FABP7: variants seen among roughly 807,000 people sequenced by gnomAD.
The protein encoded by FABP7 is fatty acid-binding protein, brain.
FABP7 carries 13 observed loss-of-function variants against 14.2 expected under a neutral mutation model. The observed-to-expected ratio is 0.91, with a 90% CI of 0.59 to 1.45. The LOEUF is 1.45. Ranked by LOEUF, FABP7 falls within the 40% of genes most tolerant of loss-of-function variation. The pLI is 0.00. For synonymous variants in FABP7, 49 were observed against 51.4 expected (o/e 0.95, Z 0.20); for missense variants, 149 against 157.6 (o/e 0.95, Z 0.29).
At chr6:122,783,567 C>G (rs1780847329) in intron 3 of FABP7, 150 bp from the exon 4 acceptor site, 2 of 1,376,172 alleles carry the variant, frequency 1.5e-6, no homozygotes, top group African/African-American at 3.0e-5. Context: ...TATAGGGTCT[C>G]TTTTCAAGAT....
At chr6:122,764,135 A>T in the FABP7 span, among the ~76,000 whole-genome samples, 2 of 152,206 alleles carry the variant, frequency 1.3e-5, no homozygotes, top group African/African-American at 4.8e-5. Context: ...CTTGGAACTA[A>T]CCCAAATGTC....
At chr6:122,762,978 A>C in the FABP7 span, among the ~76,000 whole-genome samples, 1 of 152,206 alleles carries the variant, frequency 6.6e-6, no homozygotes, top group Non-Finnish European at 1.5e-5. Flanking sequence ...TAATTTCCAG[A>C]TTCATTGCCA....
chr6:122,767,330 G>A, the FABP7 span, among the ~76,000 whole-genome samples: 5,720 of 152,062 alleles, frequency 0.038, 145 homozygotes, highest in Non-Finnish European at 0.055. Flanking sequence ...TTGCTTTTCC[G>A]GTTATTAGGA....
the FABP7 span, among the ~76,000 whole-genome samples, chr6:122,773,152 G>C: frequency 1.3e-5 from 2 of 152,126 alleles, no homozygotes; most frequent in Admixed American, 1.3e-4. Context: ...CCCAAAATTT[G>C]TAAGTAACTA....
At position 122,779,733 on chromosome 6, in the gene FABP7, C is replaced by T; in HGVS notation, c.-62C>T. 1 of 1,519,170 alleles carries T rather than the reference C, an allele frequency of 6.6e-7. No individual in the cohort carries two copies. The highest frequency in any genetic ancestry group is 9.1e-7 in the Non-Finnish European group (1 of 1,096,734). 94.1% of individuals were successfully genotyped at this position (1,519,170 alleles called of 1,614,324 possible). On this transcript the variant is annotated 5_prime_UTR_variant, in exon 1 of 4. Transcript: ENST00000368444. ...GCTGAGGTGTAAAGGGTCTTCTGAG[C>T]TGCAGTGGCAATTAGACCAGAAGAT...
chr6:122,752,655 G>A, the FABP7 span, among the ~76,000 whole-genome samples: 1 of 152,304 alleles, frequency 6.6e-6, no homozygotes, highest in East Asian at 1.9e-4. Flanking sequence ...GTCTAAGCTA[G>A]TACACTTCTG....
the FABP7 span, among the ~76,000 whole-genome samples, chr6:122,757,147 A>T: frequency 2.0e-5 from 3 of 152,286 alleles, no homozygotes; most frequent in East Asian, 3.9e-4. Flanking sequence ...CTATATTCAA[A>T]AGTCTACCGT....
At chr6:122,780,730 A>C (rs981043579) in intron 2 of FABP7, among the ~76,000 whole-genome samples, 1 of 152,202 alleles carries the variant, frequency 6.6e-6, no homozygotes, top group South Asian at 2.1e-4. Flanking sequence ...AAAATATTTA[A>C]TAAGGTTTGT....
the FABP7 span, among the ~76,000 whole-genome samples, chr6:122,756,730 C>G: frequency 2.1e-3 from 321 of 152,326 alleles, 5 homozygotes; most frequent in African/African-American, 7.4e-3. Context: ...AATCACTCAT[C>G]AAAGTCATCA....
chr6:122,782,764 T>C (rs1780824943), intron 3 of FABP7: 1 of 985,392 alleles, frequency 1.0e-6, no homozygotes, highest in Middle Eastern at 5.2e-4. Flanking sequence ...TCAGCACTGT[T>C]CTGCATTGAG....
At chr6:122,751,728 C>T in the FABP7 span, among the ~76,000 whole-genome samples, 14,305 of 152,186 alleles carry the variant, frequency 0.094, 789 homozygotes, top group African/African-American at 0.16. Context: ...CGCTTCAACC[C>T]TCATATCCTT....
At chr6:122,781,740 C>CTTTTTTTT (rs34336029) in intron 3 of FABP7, 5 of 741,128 alleles carry the variant, frequency 6.7e-6, no homozygotes, top group Non-Finnish European at 8.0e-6. Flanking sequence ...AGTGATAACC[C>CTTTTTTTT]TTTTTTTTTT....
upstream of FABP7, chr6:122,779,557 A>G (rs907259469): frequency 1.3e-5 from 7 of 554,468 alleles, no homozygotes; most frequent in Admixed American, 6.1e-5. Context: ...GCCAATCACA[A>G]AGAGGATTGG....
the FABP7 span, among the ~76,000 whole-genome samples, chr6:122,761,042 GTCCC>G: frequency 6.6e-6 from 1 of 152,016 alleles, no homozygotes; most frequent in African/African-American, 2.4e-5. Flanking sequence ...ATTTAGTTCT[GTCCC>G]TCTTCCCCAA....
intron 3 of FABP7, chr6:122,781,744 T>C: frequency 1.1e-6 from 1 of 903,952 alleles, no homozygotes; most frequent in Non-Finnish European, 1.3e-6. Context: ...ATAACCCTTT[T>C]TTTTTTTTTT....
chr6:122,769,525 T>G, the FABP7 span, among the ~76,000 whole-genome samples: 1 of 152,170 alleles, frequency 6.6e-6, no homozygotes, highest in African/African-American at 2.4e-5. Context: ...TTGTACGTAC[T>G]GGAGAGGCAG....
the FABP7 span, among the ~76,000 whole-genome samples, chr6:122,752,821 T>C: frequency 6.6e-6 from 1 of 152,142 alleles, no homozygotes. Context: ...CCCTCTACAT[T>C]GTTATTGCCT....
intron 3 of FABP7, 79 bp downstream of exon 3, chr6:122,781,273 C>T (rs868491562): frequency 6.4e-7 from 1 of 1,567,634 alleles, no homozygotes; most frequent in Non-Finnish European, 8.7e-7. Flanking sequence ...TTCTTCTTCC[C>T]TCCTCCTTCC....
rs1440651053 is a variant in FABP7, at chr6:122,783,952, CAT to C, written c.*186_*187del. ...GCCCAATTTTAATCTGAAAATTTAT[CAT>C]GTTTTATAATTTGAATTAAAGTTTT... On this transcript the variant is annotated 3_prime_UTR_variant, in exon 4 of 4. Coordinates refer to ENST00000368444, the MANE Select transcript of FABP7 (RefSeq NM_001446.5). 1.7e-5 allele frequency: 7 copies of C among 419,336 alleles called. No homozygotes were observed. The highest frequency in any genetic ancestry group is 1.1e-4 in the African/African-American group (5 of 47,292). 26.0% of individuals were successfully genotyped at this position (419,336 alleles called of 1,614,324 possible).
Sources: allele counts gnomAD v4.1 joint callset (sites outside exome capture counted in the v4.1 genomes callset), GRCh38; gene constraint gnomAD v4.1.1; transcripts MANE v1.5; gene names NCBI Gene and HGNC (gene_info 2026-07-23, HGNC 2026-07-21).